Variants in MORN5 observed in about 807,000 individuals in gnomAD.
The protein encoded by MORN5 is MORN repeat containing 5, also known as MORN repeat-containing protein 5.
A neutral mutation model predicts 22.1 loss-of-function variants in MORN5; 21 were observed. The ratio of observed to expected loss-of-function variants is 0.95; its 90% CI spans 0.67 to 1.37. The LOEUF is 1.37. MORN5 is among the 40% of genes most tolerant of loss of function. The pLI is 0.00. For synonymous variants in MORN5, 73 were observed against 74.0 expected (o/e 0.99, Z 0.07); for missense variants, 211 against 215.1 (o/e 0.98, Z 0.12).
intron 4 of MORN5, among the ~76,000 whole-genome samples, chr9:122,187,683 A>G (rs141937726): frequency 5.8e-4 from 88 of 152,356 alleles, no homozygotes; most frequent in Middle Eastern, 3.4e-3. Context: ...AATCAAAATA[A>G]CATAAACCAA....
In MORN5 at chr9:122,166,867, C is replaced by T. The variant is rs752219005; in HGVS notation, c.147C>T (p.Pro49=). 58 of 1,613,822 alleles carry T rather than the reference C, an allele frequency of 3.6e-5. No homozygotes were observed. The highest frequency in any genetic ancestry group is 4.8e-5 in the Non-Finnish European group (57 of 1,179,942). The change falls in exon 2 of 5, where the codon CCC becomes CCT. Residue 49 remains proline, a synonymous_variant. Transcript: ENST00000373764. ...ACGGCGAGGGAACCCTGTACTTCCCCAGCGGAAGCCAATACGACGCCATTT... is the reference window on the plus strand; with the variant it reads ...ACGGCGAGGGAACCCTGTACTTCCCTAGCGGAAGCCAATACGACGCCATTT... ...MFHGEGTLYF[P]SGSQYDAIWE...
chr9:122,187,189 T>C (rs1829655144), intron 4 of MORN5, among the ~76,000 whole-genome samples: 1 of 152,238 alleles, frequency 6.6e-6, no homozygotes, highest in African/African-American at 2.4e-5. Flanking sequence ...GTCGTGATCC[T>C]TTTACACCCA....
intron 4 of MORN5, among the ~76,000 whole-genome samples, chr9:122,177,889 C>T (rs1008109311): frequency 3.3e-5 from 5 of 152,206 alleles, no homozygotes; most frequent in African/African-American, 1.2e-4. Context: ...GGCCCTCTCC[C>T]CTTCTCCCAC....
chr9:122,196,972 A>T (rs535891550), intron 4 of MORN5, among the ~76,000 whole-genome samples: 4 of 152,336 alleles, frequency 2.6e-5, no homozygotes, highest in African/African-American at 9.6e-5. Context: ...ATCTAGCACA[A>T]TGCCTGGCAC....
chr9:122,192,848 G>A lies in MORN5; in HGVS notation c.440-7037G>A, dbSNP rs530354704. Among the ~76,000 whole-genome samples the A allele has an allele frequency of 2.6e-5, 4 of 152,338 alleles. 1 individual carries two copies. Among genetic ancestry groups the A allele is most frequent in the Admixed American group, 2.6e-4 (4 of 15,296 alleles). ...CTCTCACAAGCTCTGTTTGCCCAGG[G>A]TGGGGAAGAAATTCCTCCCCCTTTG... On this transcript the variant is annotated intron_variant, in intron 4 of 4. Transcript: ENST00000373764.
chr9:122,176,608 C>T lies in MORN5; in HGVS notation c.439+1981C>T, dbSNP rs190425990. 2.8e-4 allele frequency among the ~76,000 whole-genome samples: 42 copies of T among 152,066 alleles called. 1 individual carries two copies. Among genetic ancestry groups the T allele is most frequent in the African/African-American group, 9.2e-4 (38 of 41,486 alleles). The stretch of plus-strand genomic sequence containing the variant: ...AGAAAAATGGAAAGAGGCAGGACGC[C>T]GTGGCTCATGCCTGTAATCCCAGCA... On this transcript the variant is annotated intron_variant, in intron 4 of 4. Coordinates refer to ENST00000373764, the MANE Select transcript of MORN5 (RefSeq NM_198469.4).
intron 4 of MORN5, among the ~76,000 whole-genome samples, chr9:122,189,139 G>A (rs922265096): frequency 2.0e-5 from 3 of 151,834 alleles, no homozygotes; most frequent in African/African-American, 7.3e-5. Flanking sequence ...AGGTTGCAGT[G>A]AGCCAAGATC....
In MORN5 at chr9:122,161,993, TTGGACA is replaced by T. The variant is rs1177814551; in HGVS notation, c.47+1977_47+1982del. Among the ~76,000 whole-genome samples the T allele has an allele frequency of 2.0e-5, 3 of 152,214 alleles. No individual in the cohort carries two copies. In the East Asian group the frequency reaches 5.8e-4, roughly 29 times the overall value. Reference sequence around the variant, plus strand: ...CACTTGTTATACTTCTTTTCATAAGTTGGACATGTGTTGTTCTGTACTGATTTTGTA... The same window carrying T: ...CACTTGTTATACTTCTTTTCATAAGTTGTGTTGTTCTGTACTGATTTTGTA... On this transcript the variant is annotated intron_variant, in intron 1 of 4. Transcript: ENST00000373764.
chr9:122,163,488 G>A (rs1200448457), intron 1 of MORN5, among the ~76,000 whole-genome samples: 18 of 152,222 alleles, frequency 1.2e-4, no homozygotes, highest in Non-Finnish European at 2.9e-5. Context: ...GGAAGAGATA[G>A]TATTTGAAAT....
intron 4 of MORN5, among the ~76,000 whole-genome samples, chr9:122,188,477 A>G (rs16911554): frequency 0.022 from 3,318 of 152,322 alleles, 116 homozygotes; most frequent in African/African-American, 0.077. Flanking sequence ...GTCTTAATTC[A>G]GCCTTCAACA....
intron 2 of MORN5, among the ~76,000 whole-genome samples, chr9:122,167,679 CT>C (rs1402098999): frequency 6.6e-6 from 1 of 152,190 alleles, no homozygotes; most frequent in Non-Finnish European, 1.5e-5. Flanking sequence ...CACCTATCAA[CT>C]CGGGACAGTT....
chr9:122,177,341 G>A (rs986782108), intron 4 of MORN5, among the ~76,000 whole-genome samples: 1 of 152,202 alleles, frequency 6.6e-6, no homozygotes, highest in Non-Finnish European at 1.5e-5. Flanking sequence ...ACAAGGAGCC[G>A]GCTGGCAAAA....
chr9:122,198,517 A>G (rs1829943925), intron 4 of MORN5, among the ~76,000 whole-genome samples: 2 of 152,080 alleles, frequency 1.3e-5, no homozygotes. Context: ...AAGGGAAGGG[A>G]GGAGTGGCAG....
chr9:122,175,269 G>A (rs1262320837), intron 4 of MORN5, among the ~76,000 whole-genome samples: 3 of 152,186 alleles, frequency 2.0e-5, no homozygotes, highest in Non-Finnish European at 2.9e-5. Flanking sequence ...TTCCCAGCGA[G>A]AGGAAATGGC....
chr9:122,189,993 C>T (rs1008839878), intron 4 of MORN5, among the ~76,000 whole-genome samples: 3 of 152,042 alleles, frequency 2.0e-5, no homozygotes, highest in Non-Finnish European at 2.9e-5. Context: ...TAAGAGATTT[C>T]CAAGGGTCAT....
Position 122,160,027 on chromosome 9 carries a change from G to T in MORN5, c.47+8G>T. The T allele has an allele frequency of 6.2e-7, 1 of 1,611,610 alleles. No individual in the cohort carries two copies. The highest frequency in any genetic ancestry group is 8.5e-7 in the Non-Finnish European group (1 of 1,178,712). On this transcript the variant is annotated splice_region_variant and intron_variant, in intron 1 of 4. Coordinates refer to ENST00000373764, the MANE Select transcript of MORN5 (RefSeq NM_198469.4). ...GGAATATGTAGATGGGAGGTAAGGG[G>T]CTCATTTGATTCACTTACTATACCT...
At chr9:122,184,374 G>T (rs779824466) in intron 4 of MORN5, among the ~76,000 whole-genome samples, 6 of 152,164 alleles carry the variant, frequency 3.9e-5, no homozygotes, top group Non-Finnish European at 7.3e-5. Context: ...AATTTAAGCC[G>T]CACAGTGAAC....
At chr9:122,173,924 C>A (rs1259968777) in intron 3 of MORN5, among the ~76,000 whole-genome samples, 1 of 152,210 alleles carries the variant, frequency 6.6e-6, no homozygotes, top group East Asian at 1.9e-4. Context: ...AAAAGAGGAG[C>A]ACAATGCCTG....
Position 122,181,314 on chromosome 9 carries a change from G to C in MORN5, c.439+6687G>C, listed in dbSNP as rs970302264. On this transcript the variant is annotated intron_variant, in intron 4 of 4. Coordinates refer to ENST00000373764, the MANE Select transcript of MORN5 (RefSeq NM_198469.4). ...CCCGCCTTAAAGCCTTTGAGCTCCG[G>C]GTCCTTCCATCTCAGACTTCTCATG... 6.6e-5 allele frequency among the ~76,000 whole-genome samples: 10 copies of C among 152,070 alleles called. No individual in the cohort carries two copies. The South Asian group carries it at 2.1e-3, about 32-fold the overall frequency.
Sources: gnomAD v4.1 joint callset for allele counts (sites outside exome capture counted in the v4.1 genomes callset) on GRCh38, gnomAD v4.1.1 for gene constraint, MANE v1.5 for transcripts, NCBI Gene and HGNC (gene_info 2026-07-23, HGNC 2026-07-21) for gene names.